The following NCOA2 variants were observed in gnomAD, a reference collection of about 807,000 sequenced individuals.
The protein encoded by NCOA2 is class E basic helix-loop-helix protein 75.
A neutral mutation model predicts 145.1 loss-of-function variants in NCOA2; 21 were observed. The ratio of observed to expected loss-of-function variants is 0.14; its 90% CI spans 0.10 to 0.21. The LOEUF (loss-of-function observed/expected upper bound fraction) is 0.21, where lower values mean the gene tolerates loss of function less well. Among genes scored for constraint, NCOA2 ranks in the 10% least tolerant of loss-of-function variants. NCOA2 has a pLI of 1.00. For missense variants in NCOA2, 1,472 were observed against 1,837.6 expected (o/e 0.80, Z 3.64); for synonymous variants, 619 against 637.5 (o/e 0.97, Z 0.44).
chr8:70,240,201 C>T (rs562080062), intron 2 of NCOA2, among the ~76,000 whole-genome samples: 268 of 152,302 alleles, frequency 1.8e-3, no homozygotes, highest in Non-Finnish European at 3.0e-3. Flanking sequence ...TTACTAGCTG[C>T]ACAACCTTAG....
At chr8:70,376,430 CTG>C (rs1811674878) in intron 1 of NCOA2, among the ~76,000 whole-genome samples, 1 of 152,096 alleles carries the variant, frequency 6.6e-6, no homozygotes, top group African/African-American at 2.4e-5. Flanking sequence ...TGCCTAAACT[CTG>C]TGCAATACAG....
At chr8:70,312,138 C>T (rs538468735) in intron 1 of NCOA2, among the ~76,000 whole-genome samples, 3 of 152,108 alleles carry the variant, frequency 2.0e-5, no homozygotes, top group Non-Finnish European at 2.9e-5. Flanking sequence ...TCAGTGCTCA[C>T]GCAAGAGATT....
intron 1 of NCOA2, among the ~76,000 whole-genome samples, chr8:70,401,161 ACTGC>A (rs1230509038): frequency 6.6e-6 from 1 of 152,132 alleles, no homozygotes; most frequent in Non-Finnish European, 1.5e-5. Flanking sequence ...TTTTTAAAAG[ACTGC>A]TATTCCTGCA....
intron 4 of NCOA2, among the ~76,000 whole-genome samples, chr8:70,187,635 A>C (rs1194566067): frequency 6.6e-6 from 1 of 152,242 alleles, no homozygotes; most frequent in Non-Finnish European, 1.5e-5. Flanking sequence ...TCATCCATAT[A>C]GGCCATAGAA....
intron 1 of NCOA2, among the ~76,000 whole-genome samples, chr8:70,340,394 G>C (rs758349953): frequency 1.8e-4 from 28 of 152,264 alleles, no homozygotes; most frequent in Non-Finnish European, 5.9e-5. Flanking sequence ...CAAGGAGACA[G>C]ATACCATCTC....
intron 1 of NCOA2, among the ~76,000 whole-genome samples, chr8:70,348,156 T>C (rs1808851707): frequency 6.6e-6 from 1 of 152,140 alleles, no homozygotes; most frequent in Non-Finnish European, 1.5e-5. Context: ...GAAAAGTGTT[T>C]TGTGGGTCAT....
chr8:70,144,513 T>C, intron 13 of NCOA2, 129 bp downstream of exon 13: 2 of 753,106 alleles, frequency 2.7e-6, no homozygotes, highest in Non-Finnish European at 4.4e-6. Context: ...CTGTAGAATT[T>C]TCTCACTTTC....
intron 9 of NCOA2, among the ~76,000 whole-genome samples, chr8:70,159,954 T>C (rs1196849699): frequency 1.3e-5 from 2 of 152,198 alleles, no homozygotes; most frequent in Non-Finnish European, 2.9e-5. Flanking sequence ...GTGTAAACCA[T>C]TTAACTGCTC....
chr8:70,124,658 G>A lies in NCOA2; in HGVS notation c.4094+30C>T, dbSNP rs746343995. On this transcript the variant is annotated intron_variant, in intron 20 of 22. Transcript: ENST00000452400. ...GATGTCCTTCAGCTGTCACAGTGGC[G>A]GTATGAAAAGGAGAAGGATTTGCGG... 2.4e-5 allele frequency: 38 copies of A among 1,561,254 alleles called. No homozygotes were observed. In the Admixed American group the frequency reaches 5.5e-4, roughly 23 times the overall value.
At chr8:70,138,080 C>T in intron 15 of NCOA2, 123 bp downstream of exon 15, 1 of 1,052,640 alleles carries the variant, frequency 9.5e-7, no homozygotes. Flanking sequence ...TCTTCATGCA[C>T]TGCACAGTAG....
At position 70,113,017 on chromosome 8, in the gene NCOA2, A is replaced by G. The variant is rs1806679356; in HGVS notation, c.*615T>C. On this transcript the variant is annotated 3_prime_UTR_variant, in exon 23 of 23. Transcript: ENST00000452400. ...TCAGTAACTGGAGACTCTTTCCAACATGGTCTTTAGAGCTTTCTAGAGATA... is the reference window on the plus strand; with the variant it reads ...TCAGTAACTGGAGACTCTTTCCAACGTGGTCTTTAGAGCTTTCTAGAGATA... 1 of 200,716 alleles carries G rather than the reference A, an allele frequency of 5.0e-6. No individual in the cohort carries two copies. The highest frequency in any genetic ancestry group is 1.0e-5 in the Non-Finnish European group (1 of 97,312). 12.4% of individuals were successfully genotyped at this position (200,716 alleles called of 1,614,324 possible). A position where few individuals can be genotyped will look rare whatever the true frequency, so the allele number is the denominator to read the frequency against.
chr8:70,245,780 C>T (rs1822563245), intron 2 of NCOA2, among the ~76,000 whole-genome samples: 1 of 152,106 alleles, frequency 6.6e-6, no homozygotes, highest in Non-Finnish European at 1.5e-5. Context: ...ATGTACTACA[C>T]TGGCCATGAA....
At chr8:70,381,573 C>A (rs942594975) in intron 1 of NCOA2, among the ~76,000 whole-genome samples, 2 of 152,158 alleles carry the variant, frequency 1.3e-5, no homozygotes, top group African/African-American at 4.8e-5. Flanking sequence ...TCCAGCCTAG[C>A]AGGTGAATTG....
intron 4 of NCOA2, among the ~76,000 whole-genome samples, chr8:70,195,948 T>C (rs1476193625): frequency 6.6e-6 from 1 of 152,194 alleles, no homozygotes; most frequent in African/African-American, 2.4e-5. Context: ...ATAGGGGACA[T>C]CATTCATTGA....
intron 2 of NCOA2, among the ~76,000 whole-genome samples, chr8:70,284,126 G>A (rs982613138): frequency 3.9e-5 from 6 of 152,152 alleles, no homozygotes; most frequent in African/African-American, 1.4e-4. Flanking sequence ...GATGAGAGAG[G>A]CTGAAGAACA....
intron 2 of NCOA2, among the ~76,000 whole-genome samples, chr8:70,238,395 C>T (rs1821839249): frequency 1.3e-5 from 2 of 149,516 alleles, no homozygotes; most frequent in South Asian, 2.1e-4. Flanking sequence ...AAATATTGTT[C>T]CTATTTTACA....
intron 2 of NCOA2, among the ~76,000 whole-genome samples, chr8:70,288,597 A>C (rs1390038582): frequency 6.6e-6 from 1 of 152,168 alleles, no homozygotes; most frequent in Non-Finnish European, 1.5e-5. Context: ...AAAACAAAAA[A>C]AAAAAAGGAA....
chr8:70,253,155 G>A (rs1205245455), intron 2 of NCOA2, among the ~76,000 whole-genome samples: 1 of 152,170 alleles, frequency 6.6e-6, no homozygotes, highest in East Asian at 1.9e-4. Flanking sequence ...TGGCAAGCAT[G>A]GGAAAAGAGG....
intron 2 of NCOA2, among the ~76,000 whole-genome samples, chr8:70,276,565 C>T (rs562339224): frequency 1.1e-4 from 16 of 152,152 alleles, no homozygotes; most frequent in African/African-American, 2.4e-4. Context: ...TGTGATAGTA[C>T]GTTATCACTG....
Sources: gnomAD v4.1 joint callset for allele counts (sites outside exome capture counted in the v4.1 genomes callset) on GRCh38, gnomAD v4.1.1 for gene constraint, MANE v1.5 for transcripts, NCBI Gene and HGNC (gene_info 2026-07-23, HGNC 2026-07-21) for gene names.